TECPR1: variants seen among roughly 807,000 people sequenced by gnomAD.
The protein encoded by TECPR1 is tectonin beta-propeller repeat containing 1.
A neutral mutation model predicts 162.4 loss-of-function variants in TECPR1; 122 were observed. That is an observed-to-expected ratio of 0.75 (90% CI 0.65 to 0.87). The LOEUF (loss-of-function observed/expected upper bound fraction) is 0.87. Among genes scored for constraint, TECPR1 ranks in the 40% least tolerant of loss-of-function variants. The probability of loss-of-function intolerance (pLI) is 0.00; values close to 1 mark genes in which losing one functional copy is unlikely to be tolerated. For synonymous variants in TECPR1, 642 were observed against 670.6 expected, an observed-to-expected ratio of 0.96 and a Z score of 0.66; for missense variants, 1,432 against 1,618.2, an observed-to-expected ratio of 0.88 and a Z score of 1.97.
At chr7:98,226,655 C>A in intron 17 of TECPR1, 1 of 1,096,722 alleles carries the variant, frequency 9.1e-7, no homozygotes, top group Non-Finnish European at 1.1e-6. Flanking sequence ...AGGCCGGGCG[C>A]AGTGGCTCTC....
rs1368685802 is a variant in TECPR1 at position 98,223,121 on chromosome 7, C to T, written c.2797G>A (p.Ala933Thr). The change falls in exon 21 of 26, where the codon GCC (alanine) becomes ACC (threonine). Residue 933 changes from alanine (A) to threonine (T), a missense_variant. Coordinates refer to ENST00000447648, the MANE Select transcript of TECPR1 (RefSeq NM_015395.3). Reference sequence around the variant, plus strand: ...GGGATGATGGACACGTCCCTGAGGGCGATGGGGGGCACCTCCAGCCAGGGC... The same window carrying T: ...GGGATGATGGACACGTCCCTGAGGGTGATGGGGGGCACCTCCAGCCAGGGC... ...SGPWLEVPPI[A>T]LRDVSIIPES... 22 of 1,604,312 alleles carry T rather than the reference C, an allele frequency of 1.4e-5. No homozygotes were observed. The highest frequency in any genetic ancestry group is 2.2e-5 in the East Asian group (1 of 44,548).
intron 23 of TECPR1, among the ~76,000 whole-genome samples, chr7:98,220,833 G>A (rs907581296): frequency 6.6e-6 from 1 of 151,862 alleles, no homozygotes; most frequent in Non-Finnish European, 1.5e-5. Flanking sequence ...TGGGATTACA[G>A]GTGTGAGCCA....
intron 23 of TECPR1, among the ~76,000 whole-genome samples, chr7:98,219,856 G>A (rs1294117517): frequency 7.4e-5 from 11 of 149,476 alleles, no homozygotes; most frequent in Non-Finnish European, 1.2e-4. Context: ...AGCCGAGATC[G>A]CACCACTGCA....
At chr7:98,237,823 C>T (rs768981088) in intron 9 of TECPR1, among the ~76,000 whole-genome samples, 3 of 152,118 alleles carry the variant, frequency 2.0e-5, no homozygotes, top group Non-Finnish European at 2.9e-5. Context: ...GGCTGGAGTG[C>T]GGTGGTGCAA....
intron 10 of TECPR1, 64 bp from the exon 11 acceptor site, chr7:98,233,975 C>T (rs1798527354): frequency 1.4e-6 from 2 of 1,462,822 alleles, no homozygotes; most frequent in Non-Finnish European, 1.8e-6. Context: ...TCAGGCAGGC[C>T]CAGCTCCAGC....
At chr7:98,243,271 G>A (rs1029603195) in intron 6 of TECPR1, among the ~76,000 whole-genome samples, 196 bp downstream of exon 6, 1 of 151,768 alleles carries the variant, frequency 6.6e-6, no homozygotes, top group Non-Finnish European at 1.5e-5. Context: ...TCTTGAGGAG[G>A]CCGCATTGAT....
intron 5 of TECPR1, among the ~76,000 whole-genome samples, chr7:98,244,294 A>G (rs938298586): frequency 1.3e-5 from 2 of 152,210 alleles, no homozygotes; most frequent in Non-Finnish European, 2.9e-5. Context: ...AAAGTGCCAG[A>G]TGGAGGCTCA....
chr7:98,231,734 G>A lies in TECPR1; in HGVS notation c.1974+70C>T, dbSNP rs536915655. On this transcript the variant is annotated intron_variant, in intron 13 of 25. Coordinates refer to ENST00000447648, the MANE Select transcript of TECPR1 (RefSeq NM_015395.3). ...CCCTCCCCTGGGCACCCCCATTTCT[G>A]TACCCCTCCTCTAGCACCCCAGCCC... 5.2e-6 allele frequency: 8 copies of A among 1,530,688 alleles called. No individual in the cohort carries two copies. The South Asian group carries it at 7.1e-5, about 14-fold the overall frequency. The allele number at this position is 1,530,688 out of a possible 1,614,324, so 94.8% of individuals were successfully genotyped here.
At chr7:98,242,989 T>C (rs1374811082) in intron 6 of TECPR1, among the ~76,000 whole-genome samples, 1 of 28,514 alleles carries the variant, frequency 3.5e-5, no homozygotes. Flanking sequence ...CATCCATCCA[T>C]CCACCCACCC....
In TECPR1 at chr7:98,231,223, C is replaced by T. The variant is rs1798425543; in HGVS notation, c.2124+1G>A. On this transcript the variant is annotated splice_donor_variant, in intron 14 of 25. Transcript: ENST00000447648. LOFTEE classifies it high-confidence loss of function. ...GCCCGAGGGGACCACCGACCACTCA[C>T]CCAGTCATTCATGTCCTGCTCGGTG... is the stretch of plus-strand genomic sequence containing the variant. The T allele has an allele frequency of 3.1e-6, 5 of 1,612,248 alleles. No homozygotes were observed. The highest frequency in any genetic ancestry group is 3.4e-6 in the Non-Finnish European group (4 of 1,179,750).
rs1430253769 is a variant in TECPR1 at position 98,241,346 on chromosome 7, C to T, written c.658-102G>A. 8.6e-5 allele frequency: 122 copies of T among 1,423,902 alleles called. No individual in the cohort carries two copies. The highest frequency in any genetic ancestry group is 1.1e-4 in the Non-Finnish European group (119 of 1,038,308). The allele number at this position is 1,423,902 out of a possible 1,614,324, so 88.2% of individuals were successfully genotyped here. ...GGGGGTAGGACCCATGTCCCCTGAC[C>T]GTCCAGATCTCACTCCCTGCCCCCT... On this transcript the variant is annotated intron_variant, in intron 6 of 25. Transcript: ENST00000447648. The surrounding 1 kb of genome is among the most constrained non-coding windows in gnomAD (Gnocchi z 5.0).
intron 16 of TECPR1, among the ~76,000 whole-genome samples, 189 bp from the exon 17 acceptor site, chr7:98,228,305 G>A (rs1471943436): frequency 6.6e-6 from 1 of 152,132 alleles, no homozygotes; most frequent in Admixed American, 6.5e-5. Flanking sequence ...TCTCCTCCGG[G>A]ACCGTGATTA....
chr7:98,239,876 T>C (rs1033277925), intron 8 of TECPR1, among the ~76,000 whole-genome samples: 5 of 152,080 alleles, frequency 3.3e-5, no homozygotes, highest in African/African-American at 1.2e-4. Context: ...TTTGGGAGGC[T>C]GAGGCGGGCG....
chr7:98,221,880 A>T (rs1029331867), intron 22 of TECPR1, 127 bp from the exon 23 acceptor site: 4 of 701,420 alleles, frequency 5.7e-6, no homozygotes, highest in Non-Finnish European at 9.6e-6. Context: ...TGCCACACAG[A>T]GCTGACACGT....
intron 3 of TECPR1, 94 bp from the exon 4 acceptor site, chr7:98,245,161 C>G: frequency 7.5e-7 from 1 of 1,339,786 alleles, no homozygotes; most frequent in Non-Finnish European, 1.0e-6. Flanking sequence ...CTGACCCTGC[C>G]CAGCCGACCC....
In TECPR1 at chr7:98,232,765, C is replaced by G. The variant is rs1007040092; in HGVS notation, c.1818+62G>C. On this transcript the variant is annotated intron_variant, in intron 12 of 25. Transcript: ENST00000447648. This position sits in a 1 kb window ranked among gnomAD's most constrained non-coding sequence, Gnocchi z 4.6. ...TCTCTCAGAGCTGGTACACAGCAGG[C>G]GCTCAATGAATGATTGCTGGAAAAA... 81 of 1,478,504 alleles carry G rather than the reference C, an allele frequency of 5.5e-5. No homozygotes were observed. Among genetic ancestry groups the G allele is most frequent in the Non-Finnish European group, 7.3e-5 (81 of 1,114,822 alleles). 91.6% of individuals were successfully genotyped at this position (1,478,504 alleles called of 1,614,324 possible). A position where few individuals can be genotyped will look rare whatever the true frequency, so the allele number is the denominator to read the frequency against.
intron 15 of TECPR1, among the ~76,000 whole-genome samples, chr7:98,230,711 T>G (rs982370457): frequency 1.3e-5 from 2 of 152,094 alleles, no homozygotes; most frequent in Non-Finnish European, 2.9e-5. Flanking sequence ...TCCACATTCC[T>G]CCCGATGCTC....
intron 11 of TECPR1, 196 bp from the exon 12 acceptor site, chr7:98,233,168 G>T: frequency 1.3e-6 from 1 of 791,720 alleles, no homozygotes; most frequent in Non-Finnish European, 1.9e-6. Flanking sequence ...AGCCACCACC[G>T]CTAGCACAGG....
At chr7:98,244,825 GAC>G in intron 4 of TECPR1, 58 bp downstream of exon 4, 3 of 1,601,134 alleles carry the variant, frequency 1.9e-6, no homozygotes, top group Non-Finnish European at 2.6e-6. Context: ...CAGAAGCAGG[GAC>G]AGGCGGGAGG....
Sources: allele counts gnomAD v4.1 joint callset (sites outside exome capture counted in the v4.1 genomes callset), GRCh38; gene constraint gnomAD v4.1.1; non-coding constraint Gnocchi (gnomAD v3.1); transcripts MANE v1.5; gene names NCBI Gene and HGNC (gene_info 2026-07-23, HGNC 2026-07-21).